DRAM2: variants seen among roughly 807,000 people sequenced by gnomAD.
DRAM2 encodes DNA damage regulated autophagy modulator 2, also known as DNA damage-regulated autophagy modulator protein 2.
In DRAM2, 26 loss-of-function variants were observed where a neutral mutation model predicts 33.5. That is an observed-to-expected ratio of 0.78 (90% CI 0.57 to 1.08). DRAM2 has a LOEUF of 1.08. Ranked by LOEUF, DRAM2 falls within the 50% of genes least tolerant of loss-of-function variation. The probability of loss-of-function intolerance (pLI) is 0.00; values close to 1 mark genes in which losing one functional copy is unlikely to be tolerated. For synonymous variants in DRAM2, 98 were observed against 109.5 expected (o/e 0.89, Z 0.66); for missense variants, 311 against 318.1 (o/e 0.98, Z 0.17).
At chr1:111,119,021 C>T (rs1483563864) in intron 8 of DRAM2, 124 bp from the exon 9 acceptor site, 3 of 566,310 alleles carry the variant, frequency 5.3e-6, no homozygotes, top group Admixed American at 8.2e-5. Context: ...CAACCCTTGA[C>T]TTACCAGGCA....
At chr1:111,119,834 CAT>C in intron 8 of DRAM2, 41 bp downstream of exon 8, 1 of 1,447,968 alleles carries the variant, frequency 6.9e-7, no homozygotes, top group Non-Finnish European at 9.7e-7. Flanking sequence ...TCAAAATAAC[CAT>C]CTTTAATATA....
At chr1:111,136,766 C>T (rs190342172) in intron 3 of DRAM2, among the ~76,000 whole-genome samples, 1 of 152,120 alleles carries the variant, frequency 6.6e-6, no homozygotes, top group Admixed American at 6.5e-5. Flanking sequence ...GCTCAAAAGC[C>T]ACGTGTCACC....
intron 8 of DRAM2, 73 bp downstream of exon 8, chr1:111,119,804 G>GA (rs1318206479): frequency 1.6e-6 from 2 of 1,251,604 alleles, no homozygotes; most frequent in Non-Finnish European, 2.3e-6. Flanking sequence ...CTGATGAAAT[G>GA]AAAAACATAT....
At chr1:111,126,486 C>T (rs1651046868) in intron 4 of DRAM2, among the ~76,000 whole-genome samples, 192 bp from the exon 5 acceptor site, 1 of 151,838 alleles carries the variant, frequency 6.6e-6, no homozygotes, top group African/African-American at 2.4e-5. Flanking sequence ...TCACCTTTTA[C>T]TCACATCATT....
rs967300989 is a variant in DRAM2 at position 111,117,792 on chromosome 1, GCTC to G, written c.*365_*367del. 2.1e-5 allele frequency: 4 copies of G among 193,720 alleles called. No homozygotes were observed. Among genetic ancestry groups the G allele is most frequent in the Admixed American group, 1.6e-4 (3 of 18,404 alleles). 12.0% of individuals were successfully genotyped at this position (193,720 alleles called of 1,614,324 possible). A position where few individuals can be genotyped will look rare whatever the true frequency, so the allele number is the denominator to read the frequency against. On this transcript the variant is annotated 3_prime_UTR_variant, in exon 10 of 10. Transcript: ENST00000484310. ...CATGGAAAATGTCTCTCATAAAAGTGCTCCTAACAAAACATGATCTACAATAAT... is the reference window on the plus strand; with the variant it reads ...CATGGAAAATGTCTCTCATAAAAGTGCTAACAAAACATGATCTACAATAAT...
intron 3 of DRAM2, among the ~76,000 whole-genome samples, chr1:111,133,955 C>T (rs1652646007): frequency 6.6e-6 from 1 of 152,216 alleles, no homozygotes; most frequent in South Asian, 2.1e-4. Flanking sequence ...TTACATTTAA[C>T]TTGCTTGTTT....
rs397737799 is a variant in DRAM2, at chr1:111,130,074, G to GA, written c.131+1349_131+1350insT. Among the ~76,000 whole-genome samples, 8 of 151,682 alleles carry GA rather than the reference G, an allele frequency of 5.3e-5. No individual in the cohort carries two copies. The South Asian group carries it at 1.7e-3, about 32-fold the overall frequency. On this transcript the variant is annotated intron_variant, in intron 4 of 9. Coordinates refer to ENST00000484310, the MANE Select transcript of DRAM2 (RefSeq NM_001349884.2). ...GTTATTATAGCTTCTTGGCCTTTTG[G>GA]CTAAGATCAAGTGTAAAAAAAGAGG...
At chr1:111,120,261 G>A (rs1649718240) in intron 7 of DRAM2, among the ~76,000 whole-genome samples, 1 of 151,470 alleles carries the variant, frequency 6.6e-6, no homozygotes, top group East Asian at 1.9e-4. Context: ...TTTCTTTGAA[G>A]TGAGTATGAT....
Position 111,123,243 on chromosome 1 carries a change from A to T in DRAM2, c.339+1499T>A, listed in dbSNP as rs1650365888. Among the ~76,000 whole-genome samples the T allele has an allele frequency of 2.0e-5, 3 of 152,270 alleles. No individual in the cohort carries two copies. The South Asian group carries it at 6.2e-4, about 32-fold the overall frequency. On this transcript the variant is annotated intron_variant, in intron 6 of 9. Transcript: ENST00000484310. ...TCATAGTATAAAGTGGCTGCTGGGA[A>T]CTAATGTCCAGCAAAACTAAATTTT...
At chr1:111,122,945 G>C (rs950799201) in intron 6 of DRAM2, among the ~76,000 whole-genome samples, 1 of 152,180 alleles carries the variant, frequency 6.6e-6, no homozygotes, top group Non-Finnish European at 1.5e-5. Context: ...AAGTAATTGA[G>C]ATAAAAGTGG....
At chr1:111,139,907 C>G (rs1285172915) in intron 1 of DRAM2, 131 bp downstream of exon 1, 1 of 152,256 alleles carries the variant, frequency 6.6e-6, no homozygotes, top group Non-Finnish European at 1.5e-5. Flanking sequence ...CGCGCGCCTG[C>G]GACGCGGGTA....
Position 111,119,927 on chromosome 1 carries a change from T to A in DRAM2, c.550A>T (p.Asn184Tyr). Residue 184 changes from asparagine (N) to tyrosine (Y), a missense_variant, in exon 8 of 10, where the codon AAT (asparagine) becomes TAT (tyrosine). Coordinates refer to ENST00000484310, the MANE Select transcript of DRAM2 (RefSeq NM_001349884.2). Reference sequence around the variant, plus strand: ...TTCTGTTCTAAATCAGTCCCAAAATTGCCACTGTGCAAAACTGATGAGCAA... The same window carrying A: ...TTCTGTTCTAAATCAGTCCCAAAATAGCCACTGTGCAAAACTGATGAGCAA... The part of the protein sequence containing the change: ...LTCSSVLHSG[N>Y]FGTDLEQKLH... The A allele has an allele frequency of 6.2e-7, 1 of 1,612,894 alleles. No homozygotes were observed. The highest frequency in any genetic ancestry group is 8.5e-7 in the Non-Finnish European group (1 of 1,179,168).
chr1:111,139,375 T>C (rs1654009458), intron 2 of DRAM2, 126 bp downstream of exon 2: 1 of 152,184 alleles, frequency 6.6e-6, no homozygotes, highest in South Asian at 2.1e-4. Flanking sequence ...ACCCACCCGC[T>C]GCGATAGAAT....
intron 4 of DRAM2, among the ~76,000 whole-genome samples, chr1:111,126,741 A>C (rs1321590606): frequency 1.3e-5 from 2 of 152,178 alleles, no homozygotes; most frequent in Non-Finnish European, 2.9e-5. Flanking sequence ...AAGTATTATC[A>C]AGCACTTACC....
At chr1:111,137,004 A>C (rs1653332954) in intron 3 of DRAM2, among the ~76,000 whole-genome samples, 1 of 151,816 alleles carries the variant, frequency 6.6e-6, no homozygotes, top group Admixed American at 6.6e-5. Context: ...CTGTAATCCT[A>C]GCACTTTGGG....
chr1:111,120,685 G>C lies in DRAM2; in HGVS notation c.348C>G (p.Thr116=), dbSNP rs1181189843. Residue 116 remains threonine, a synonymous_variant, in exon 7 of 10, where the codon ACC becomes ACG. Transcript: ENST00000484310. Reference sequence around the variant, plus strand: ...CTCCACTTACATGTGCAGCAAAAAGGGTTGTTTTCTGAGAGATAGAGAGAA... The same window carrying C: ...CTCCACTTACATGTGCAGCAAAAAGCGTTGTTTTCTGAGAGATAGAGAGAA... The part of the protein sequence containing the change: ...LSIVANFQKT[T]LFAAHVSGAV... 6.5e-7 allele frequency: 1 copy of C among 1,535,784 alleles called. No individual in the cohort carries two copies. Among genetic ancestry groups the C allele is most frequent in the Non-Finnish European group, 8.8e-7 (1 of 1,139,786 alleles).
chr1:111,128,679 C>A (rs1557893663), intron 4 of DRAM2, among the ~76,000 whole-genome samples: 1 of 152,140 alleles, frequency 6.6e-6, no homozygotes, highest in Non-Finnish European at 1.5e-5. Flanking sequence ...TCACTTCATT[C>A]CTGTGGATTC....
intron 4 of DRAM2, among the ~76,000 whole-genome samples, chr1:111,128,693 G>A (rs1039875584): frequency 1.1e-4 from 17 of 152,094 alleles, no homozygotes; most frequent in African/African-American, 4.1e-4. Context: ...TGGATTCAAC[G>A]AAGTACTTGG....
intron 4 of DRAM2, among the ~76,000 whole-genome samples, 171 bp from the exon 5 acceptor site, chr1:111,126,465 A>G (rs1375138797): frequency 6.6e-6 from 1 of 151,954 alleles, no homozygotes; most frequent in Non-Finnish European, 1.5e-5. Flanking sequence ...GTTCACAAAT[A>G]TCTGCCTACT....
Sources: gnomAD v4.1 joint callset for allele counts (sites outside exome capture counted in the v4.1 genomes callset) on GRCh38, gnomAD v4.1.1 for gene constraint, MANE v1.5 for transcripts, NCBI Gene and HGNC (gene_info 2026-07-23, HGNC 2026-07-21) for gene names.